SH3RF3: variants seen among roughly 807,000 people sequenced by gnomAD.
SH3RF3 encodes the protein SH3 domain containing ring finger 3.
A neutral mutation model predicts 66.3 loss-of-function variants in SH3RF3; 29 were observed. The observed-to-expected ratio is 0.44, with a 90% CI of 0.33 to 0.60. The LOEUF (loss-of-function observed/expected upper bound fraction) is 0.60. Ranked by LOEUF, SH3RF3 falls within the 20% of genes least tolerant of loss-of-function variation. The pLI, the probability that SH3RF3 is intolerant of heterozygous loss-of-function variation, is 0.04. For missense variants in SH3RF3, 1,194 were observed against 1,190.9 expected (o/e 1.00, Z -0.04); for synonymous variants, 583 against 532.0 (o/e 1.10, Z -1.32).
chr2:109,185,035 T>G (rs1156676899), intron 1 of SH3RF3, among the ~76,000 whole-genome samples: 1 of 152,262 alleles, frequency 6.6e-6, no homozygotes, highest in Non-Finnish European at 1.5e-5. Flanking sequence ...TGGAACCTGC[T>G]TATTATCTGT....
intron 1 of SH3RF3, among the ~76,000 whole-genome samples, chr2:109,312,120 T>C (rs1451291800): frequency 2.6e-5 from 4 of 152,224 alleles, no homozygotes; most frequent in African/African-American, 9.6e-5. Flanking sequence ...TTCAAAAGTA[T>C]GTCACCTATT....
At chr2:109,255,533 T>A (rs1446922836) in intron 1 of SH3RF3, among the ~76,000 whole-genome samples, 5 of 152,188 alleles carry the variant, frequency 3.3e-5, no homozygotes, top group Admixed American at 3.3e-4. Context: ...AATAACCCCA[T>A]CAAAATCATC....
chr2:109,340,061 G>A (rs1374434453), intron 1 of SH3RF3, among the ~76,000 whole-genome samples: 2 of 152,188 alleles, frequency 1.3e-5, no homozygotes, highest in Admixed American at 6.5e-5. Flanking sequence ...CAGGAGTCCT[G>A]TGAGCAGTAA....
intron 1 of SH3RF3, among the ~76,000 whole-genome samples, chr2:109,207,585 G>A (rs1574504593): frequency 1.3e-5 from 2 of 152,310 alleles, no homozygotes; most frequent in South Asian, 2.1e-4. Context: ...TTAAGATATT[G>A]AAATTGTGGA....
chr2:109,188,022 C>G (rs1460219826), intron 1 of SH3RF3, among the ~76,000 whole-genome samples: 1 of 152,208 alleles, frequency 6.6e-6, no homozygotes, highest in East Asian at 1.9e-4. Flanking sequence ...ATCTCACCTG[C>G]TTGGGTGGAG....
chr2:109,410,347 T>C (rs1299962516), intron 4 of SH3RF3, among the ~76,000 whole-genome samples: 2 of 152,230 alleles, frequency 1.3e-5, no homozygotes. Flanking sequence ...GCAGGAGCAA[T>C]GGAGCTTGCC....
chr2:109,371,513 A>C, intron 2 of SH3RF3, 73 bp from the exon 3 acceptor site: 2 of 1,292,930 alleles, frequency 1.5e-6, no homozygotes, highest in Non-Finnish European at 2.2e-6. Context: ...CACAGTACTA[A>C]CCAGTGTCTT....
intron 1 of SH3RF3, among the ~76,000 whole-genome samples, chr2:109,242,765 G>A (rs1679817742): frequency 6.6e-6 from 1 of 152,210 alleles, no homozygotes; most frequent in Non-Finnish European, 1.5e-5. Flanking sequence ...TTTCCCCAGT[G>A]ACGTCCTCAG....
chr2:109,485,940 C>G (rs539570330), intron 8 of SH3RF3, among the ~76,000 whole-genome samples: 15 of 152,372 alleles, frequency 9.8e-5, no homozygotes, highest in Admixed American at 9.1e-4. Context: ...GGCTTCTCAC[C>G]TTCTGTCTGG....
At chr2:109,302,076 T>C (rs12465303) in intron 1 of SH3RF3, among the ~76,000 whole-genome samples, 48,106 of 152,118 alleles carry the variant, frequency 0.32, 8,981 homozygotes, top group East Asian at 0.9. Flanking sequence ...TTCTGCCCAC[T>C]GTGTCTTCTC....
chr2:109,270,636 G>A (rs1680603403), intron 1 of SH3RF3, among the ~76,000 whole-genome samples: 1 of 152,150 alleles, frequency 6.6e-6, no homozygotes, highest in Admixed American at 6.5e-5. Flanking sequence ...AGAGATACTG[G>A]GTGCTAAGCA....
At chr2:109,161,991 T>A (rs1466998930) in intron 1 of SH3RF3, among the ~76,000 whole-genome samples, 1 of 152,104 alleles carries the variant, frequency 6.6e-6, no homozygotes, top group Non-Finnish European at 1.5e-5. Context: ...AAAGCGTAGA[T>A]GGTGTCAGAA....
At chr2:109,349,177 T>C (rs538643001) in intron 2 of SH3RF3, among the ~76,000 whole-genome samples, 1 of 152,224 alleles carries the variant, frequency 6.6e-6, no homozygotes, top group East Asian at 1.9e-4. Context: ...GAGGTGGCAC[T>C]CTCTGGAGGG....
At chr2:109,316,257 GGCTATCAGT>G (rs1403374866) in intron 1 of SH3RF3, among the ~76,000 whole-genome samples, 1 of 152,174 alleles carries the variant, frequency 6.6e-6, no homozygotes, top group Non-Finnish European at 1.5e-5. Context: ...GCTCCAACTG[GGCTATCAGT>G]GCTGTGGGCC....
chr2:109,133,343 C>G (rs1371139200), intron 1 of SH3RF3, among the ~76,000 whole-genome samples: 1 of 152,176 alleles, frequency 6.6e-6, no homozygotes, highest in African/African-American at 2.4e-5. Flanking sequence ...TCTTCTGTGT[C>G]TCTTTGACAA....
chr2:109,440,088 C>T (rs1257777161), intron 7 of SH3RF3, among the ~76,000 whole-genome samples: 1 of 152,158 alleles, frequency 6.6e-6, no homozygotes, highest in Non-Finnish European at 1.5e-5. Context: ...TGAGCAATGG[C>T]CTGGCAATGA....
At position 109,135,994 on chromosome 2, in the gene SH3RF3, G is replaced by A. The variant is rs989974370; in HGVS notation, c.573+5881G>A. On this transcript the variant is annotated intron_variant, in intron 1 of 9. Coordinates refer to ENST00000309415, the MANE Select transcript of SH3RF3 (RefSeq NM_001099289.3). The stretch of plus-strand genomic sequence containing the variant: ...GAAAACGAGCCCACCTCCGTCATCC[G>A]TAGGACACAATAGCTTGTCTACAGC... Among the ~76,000 whole-genome samples, 3 of 152,272 alleles carry A rather than the reference G, an allele frequency of 2.0e-5. No homozygotes were observed. The East Asian group carries it at 5.8e-4, about 29-fold the overall frequency.
At chr2:109,493,798 AC>A (rs1679189040) in intron 9 of SH3RF3, among the ~76,000 whole-genome samples, 1 of 152,102 alleles carries the variant, frequency 6.6e-6, no homozygotes, top group African/African-American at 2.4e-5. Flanking sequence ...AACACACATA[AC>A]ACACAGATAC....
At chr2:109,481,439 C>T (rs1302025491) in intron 8 of SH3RF3, among the ~76,000 whole-genome samples, 3 of 152,134 alleles carry the variant, frequency 2.0e-5, no homozygotes. Flanking sequence ...CAGTTTGGAG[C>T]TTCTGGTATG....
Sources: allele counts gnomAD v4.1 joint callset (sites outside exome capture counted in the v4.1 genomes callset), GRCh38; gene constraint gnomAD v4.1.1; transcripts MANE v1.5; gene names NCBI Gene and HGNC (gene_info 2026-07-23, HGNC 2026-07-21).